Variants in SNX2 observed in about 807,000 individuals in gnomAD.
The protein encoded by SNX2 is sorting nexin-2.
SNX2 carries 25 observed loss-of-function variants against 69.9 expected under a neutral mutation model. The observed-to-expected ratio is 0.36, with a 90% CI of 0.26 to 0.50. The LOEUF (loss-of-function observed/expected upper bound fraction) is 0.50, where lower values mean the gene tolerates loss of function less well. Ranked by LOEUF, SNX2 falls within the 20% of genes least tolerant of loss-of-function variation. SNX2 has a pLI of 0.97. For missense variants in SNX2, 551 were observed against 613.3 expected (o/e 0.90, Z 1.07); for synonymous variants, 229 against 200.4 (o/e 1.14, Z -1.20).
intron 2 of SNX2, among the ~76,000 whole-genome samples, chr5:122,797,365 C>T (rs963442141): frequency 3.3e-5 from 5 of 152,208 alleles, no homozygotes; most frequent in Admixed American, 2.6e-4. Flanking sequence ...TCATCTGTCT[C>T]CTTTGTTAAC....
At chr5:122,821,735 G>A (rs993426623) in intron 11 of SNX2, among the ~76,000 whole-genome samples, 11 of 152,204 alleles carry the variant, frequency 7.2e-5, no homozygotes, top group African/African-American at 2.4e-4. Flanking sequence ...GATTACAGGC[G>A]TGAGCCATTG....
At chr5:122,798,177 A>C (rs1364621258) in intron 2 of SNX2, among the ~76,000 whole-genome samples, 1 of 151,386 alleles carries the variant, frequency 6.6e-6, no homozygotes, top group East Asian at 1.9e-4. Flanking sequence ...TTTTTACTTT[A>C]TCATATTACT....
intron 10 of SNX2, among the ~76,000 whole-genome samples, chr5:122,818,255 A>G (rs956470467): frequency 3.3e-5 from 5 of 152,170 alleles, no homozygotes; most frequent in African/African-American, 4.8e-5. Flanking sequence ...AAATATCTGA[A>G]ATGATCACAT....
In SNX2 at chr5:122,806,142, G is replaced by GCGCACGCGCACACACA; in HGVS notation, c.644-2134_644-2133insGCACGCGCACACACAC. Reference sequence around the variant, plus strand: ...TGTGTATATATATACACACGCGCGCGCACACACACACACACACACACACAC... The same window carrying GCGCACGCGCACACACA: ...TGTGTATATATATACACACGCGCGCGCGCACGCGCACACACACACACACACACACACACACACACAC... On this transcript the variant is annotated intron_variant, in intron 6 of 14. Coordinates refer to ENST00000379516, the MANE Select transcript of SNX2 (RefSeq NM_003100.4). Among the ~76,000 whole-genome samples, 72 of 130,654 alleles carry GCGCACGCGCACACACA rather than the reference G, an allele frequency of 5.5e-4. 2 individuals are homozygous for GCGCACGCGCACACACA. Among genetic ancestry groups the GCGCACGCGCACACACA allele is most frequent in the Middle Eastern group, 3.8e-3 (1 of 260 alleles). The allele number at this position is 130,654 out of a possible 152,430, so 85.7% of individuals were successfully genotyped here. A position where few individuals can be genotyped will look rare whatever the true frequency, so the allele number is the denominator to read the frequency against.
chr5:122,799,684 A>T lies in SNX2; in HGVS notation c.227-8A>T, dbSNP rs746547396. The T allele has an allele frequency of 4.4e-6, 7 of 1,607,462 alleles. No homozygotes were observed. The South Asian group carries it at 7.8e-5, about 18-fold the overall frequency. ...TGTTCTTAACTAACTTGTTTAATCT[A>T]TGTCTAGAAGCCACAGAAGAAGTTT... is the stretch of plus-strand genomic sequence containing the variant. On this transcript the variant is annotated splice_polypyrimidine_tract_variant and splice_region_variant and intron_variant, in intron 2 of 14. Coordinates refer to ENST00000379516, the MANE Select transcript of SNX2 (RefSeq NM_003100.4).
intron 1 of SNX2, 177 bp downstream of exon 1, chr5:122,775,388 G>T: frequency 7.6e-7 from 1 of 1,320,460 alleles, no homozygotes; most frequent in Non-Finnish European, 9.7e-7. Context: ...GCTGAGCGCA[G>T]GGCCTCCTCA....
intron 7 of SNX2, among the ~76,000 whole-genome samples, chr5:122,811,959 G>C (rs1370716180): frequency 6.6e-6 from 1 of 152,156 alleles, no homozygotes; most frequent in Non-Finnish European, 1.5e-5. Context: ...TCAAATCAAA[G>C]AGTTTGGAGT....
rs116456960 is a variant in SNX2, at chr5:122,828,282, A to C, written c.1509+636A>C. Among the ~76,000 whole-genome samples the C allele has an allele frequency of 3.7e-3, 557 of 152,308 alleles. 3 individuals are homozygous for C. The highest frequency in any genetic ancestry group is 0.013 in the African/African-American group (534 of 41,564). ...ATCTAGAATGTCATTTGTGTAAAAC[A>C]TAATAGGTTGTTTTTGAATTAAGTG... On this transcript the variant is annotated intron_variant, in intron 14 of 14. Coordinates refer to ENST00000379516, the MANE Select transcript of SNX2 (RefSeq NM_003100.4).
intron 1 of SNX2, among the ~76,000 whole-genome samples, chr5:122,787,853 A>G (rs1372673415): frequency 6.6e-6 from 1 of 152,222 alleles, no homozygotes; most frequent in Non-Finnish European, 1.5e-5. Context: ...AGAATACATT[A>G]TATGTTGCAA....
chr5:122,827,364 C>A lies in SNX2; in HGVS notation c.1357-15C>A, dbSNP rs571733044. On this transcript the variant is annotated splice_polypyrimidine_tract_variant and intron_variant, in intron 12 of 14. Coordinates refer to ENST00000379516, the MANE Select transcript of SNX2 (RefSeq NM_003100.4). ...TTTTTGAGATAAGCATAAAATATTT[C>A]TTTGTTTTTATTAGTGGGAGGCGAA... 219 of 1,605,134 alleles carry A rather than the reference C, an allele frequency of 1.4e-4. No individual in the cohort carries two copies. Among genetic ancestry groups the A allele is most frequent in the South Asian group, 3.6e-4 (33 of 90,688 alleles).
At chr5:122,783,388 C>T (rs888323684) in intron 1 of SNX2, among the ~76,000 whole-genome samples, 2 of 152,072 alleles carry the variant, frequency 1.3e-5, no homozygotes, top group African/African-American at 4.8e-5. Flanking sequence ...AACTTTAACC[C>T]ATGGTCACAA....
At chr5:122,826,368 C>T (rs558098572) in intron 12 of SNX2, among the ~76,000 whole-genome samples, 175 bp downstream of exon 12, 2 of 151,974 alleles carry the variant, frequency 1.3e-5, no homozygotes, top group African/African-American at 2.4e-5. Context: ...ATCTCCAGAG[C>T]CCTTCATTAC....
chr5:122,793,518 C>T (rs966078098), intron 1 of SNX2, among the ~76,000 whole-genome samples: 2 of 152,136 alleles, frequency 1.3e-5, no homozygotes, highest in African/African-American at 4.8e-5. Flanking sequence ...GATCCAAGTG[C>T]ATTTGCATAG....
intron 2 of SNX2, among the ~76,000 whole-genome samples, chr5:122,799,267 C>A (rs944971846): frequency 1.3e-5 from 2 of 152,030 alleles, no homozygotes; most frequent in Admixed American, 6.6e-5. Flanking sequence ...AGTTTTTAAT[C>A]CAAGTTAAAA....
At chr5:122,794,705 G>A (rs1364252207) in intron 1 of SNX2, among the ~76,000 whole-genome samples, 1 of 152,134 alleles carries the variant, frequency 6.6e-6, no homozygotes, top group Non-Finnish European at 1.5e-5. Context: ...TGACAAACTA[G>A]TACCTCCAAA....
intron 9 of SNX2, 78 bp downstream of exon 9, chr5:122,817,106 G>GA: frequency 8.3e-7 from 1 of 1,202,674 alleles, no homozygotes; most frequent in Non-Finnish European, 1.2e-6. Flanking sequence ...TGTACAAGTG[G>GA]AAAATAGGAT....
chr5:122,821,416 A>G (rs1188929186), intron 11 of SNX2, among the ~76,000 whole-genome samples: 1 of 148,322 alleles, frequency 6.7e-6, no homozygotes, highest in African/African-American at 2.5e-5. Flanking sequence ...CACCCACTCC[A>G]CTTAATAGGG....
At chr5:122,790,612 G>C (rs141153397) in intron 1 of SNX2, among the ~76,000 whole-genome samples, 3 of 152,160 alleles carry the variant, frequency 2.0e-5, no homozygotes, top group Non-Finnish European at 2.9e-5. Flanking sequence ...TGTCAGAAGT[G>C]GGGGAGGAAG....
In SNX2 at chr5:122,818,882, T is replaced by C. The variant is rs761725751; in HGVS notation, c.1071T>C (p.His357=). 11 of 1,614,048 alleles carry C rather than the reference T, an allele frequency of 6.8e-6. No individual in the cohort carries two copies. The highest frequency in any genetic ancestry group is 1.7e-5 in the Admixed American group (1 of 60,028). Residue 357 remains histidine (H), a synonymous_variant, in exon 11 of 15, where the codon CAT becomes CAC. Coordinates refer to ENST00000379516, the MANE Select transcript of SNX2 (RefSeq NM_003100.4). ...CCATGTTAGGTAATTCTGAGGATCA[T>C]ACTGCTTTATCTAGAGCTTTGTCTC... ...SAAMLGNSED[H]TALSRALSQL...
Sources: gnomAD v4.1 joint callset for allele counts (sites outside exome capture counted in the v4.1 genomes callset) on GRCh38, gnomAD v4.1.1 for gene constraint, MANE v1.5 for transcripts, NCBI Gene and HGNC (gene_info 2026-07-23, HGNC 2026-07-21) for gene names.